The following MAP4K3 variants were observed in gnomAD, a reference collection of about 807,000 sequenced individuals.
MAP4K3 encodes the protein mitogen-activated protein kinase kinase kinase kinase 3, also known as MAPK/ERK kinase kinase kinase 3.
Under a neutral mutation model 143.5 loss-of-function variants are expected in MAP4K3, and 94 were observed. The observed-to-expected ratio is 0.65, with a 90% confidence interval of 0.55 to 0.78. The LOEUF (loss-of-function observed/expected upper bound fraction) is 0.78, where lower values mean the gene tolerates loss of function less well. Among genes scored for constraint, MAP4K3 ranks in the 30% least tolerant of loss-of-function variants. The pLI, the probability that MAP4K3 is intolerant of heterozygous loss-of-function variation, is 0.00. For synonymous variants in MAP4K3, 416 were observed against 347.2 expected (o/e 1.20, Z -2.20); for missense variants, 1,077 against 1,068.1 (o/e 1.01, Z -0.12).
chr2:39,258,711 T>C (rs780245021), intron 29 of MAP4K3, 124 bp from the exon 30 acceptor site: 10 of 731,486 alleles, frequency 1.4e-5, no homozygotes, highest in African/African-American at 1.8e-5. Flanking sequence ...GTAATACACA[T>C]GTAGTGACTG....
intron 8 of MAP4K3, among the ~76,000 whole-genome samples, chr2:39,331,600 TA>T (rs1178363467): frequency 6.6e-6 from 1 of 152,004 alleles, no homozygotes; most frequent in Non-Finnish European, 1.5e-5. Context: ...TGAAGAAAGA[TA>T]TAAAAACACC....
intron 23 of MAP4K3, 48 bp downstream of exon 23, chr2:39,280,224 C>A: frequency 9.3e-7 from 1 of 1,074,310 alleles, no homozygotes; most frequent in Non-Finnish European, 1.3e-6. Context: ...TTCATGGCCC[C>A]AGTTTTAAAA....
intron 1 of MAP4K3, among the ~76,000 whole-genome samples, chr2:39,420,408 A>T (rs996731469): frequency 3.3e-5 from 5 of 152,104 alleles, no homozygotes. Context: ...CATGAATTCC[A>T]TATTTTTTTT....
intron 5 of MAP4K3, 49 bp from the exon 6 acceptor site, chr2:39,337,016 C>G (rs1389278592): frequency 5.2e-6 from 5 of 955,248 alleles, no homozygotes; most frequent in Non-Finnish European, 4.8e-6. Flanking sequence ...TCAAAGAGCA[C>G]TCTTTTGGAT....
At chr2:39,418,198 G>C (rs58054533) in intron 1 of MAP4K3, among the ~76,000 whole-genome samples, 780 of 65,946 alleles carry the variant, frequency 0.012, 9 homozygotes, top group African/African-American at 0.035. Context: ...ACAAGACTCC[G>C]TCTCAAAAAA....
intron 2 of MAP4K3, among the ~76,000 whole-genome samples, chr2:39,357,903 A>T (rs540743625): frequency 7.4e-4 from 112 of 152,230 alleles, no homozygotes; most frequent in Non-Finnish European, 1.0e-3. Context: ...TGATCTAGTC[A>T]GAGTGAACCC....
intron 16 of MAP4K3, chr2:39,294,175 A>T (rs778658628): frequency 1.3e-5 from 2 of 152,210 alleles, no homozygotes; most frequent in African/African-American, 4.8e-5. Flanking sequence ...GTTATCAGGT[A>T]GCACCTTTTA....
chr2:39,344,110 G>A (rs918460617), intron 3 of MAP4K3, among the ~76,000 whole-genome samples: 2 of 152,152 alleles, frequency 1.3e-5, no homozygotes, highest in Admixed American at 1.3e-4. Flanking sequence ...AACTCAGCAA[G>A]CTCTAATGCA....
intron 1 of MAP4K3, among the ~76,000 whole-genome samples, chr2:39,422,889 A>T (rs1386347626): frequency 6.6e-6 from 1 of 152,094 alleles, no homozygotes; most frequent in Non-Finnish European, 1.5e-5. Flanking sequence ...TAGATACAAC[A>T]CCAAAGGCAT....
chr2:39,291,720 T>C (rs1207558244), intron 18 of MAP4K3, among the ~76,000 whole-genome samples: 1 of 151,904 alleles, frequency 6.6e-6, no homozygotes, highest in Non-Finnish European at 1.5e-5. Context: ...AACCCATCTC[T>C]ACCAAAAAAT....
intron 2 of MAP4K3, among the ~76,000 whole-genome samples, chr2:39,364,053 C>T (rs1665849549): frequency 6.7e-6 from 1 of 150,072 alleles, no homozygotes; most frequent in Middle Eastern, 3.6e-3. Flanking sequence ...ATACCCCCGT[C>T]CACTGTTGAT....
chr2:39,326,427 C>G, intron 8 of MAP4K3, 150 bp from the exon 9 acceptor site: 6 of 708,752 alleles, frequency 8.5e-6, no homozygotes, highest in Non-Finnish European at 1.4e-5. Context: ...TTAAAAGGTC[C>G]ACCTTTTCCA....
chr2:39,278,152 C>T (rs1342158620), intron 24 of MAP4K3, among the ~76,000 whole-genome samples: 1 of 151,660 alleles, frequency 6.6e-6, no homozygotes, highest in African/African-American at 2.4e-5. Context: ...CGTGGTGGTG[C>T]GTGCCTCTAC....
At chr2:39,429,213 C>T (rs1222698098) in intron 1 of MAP4K3, among the ~76,000 whole-genome samples, 1 of 151,908 alleles carries the variant, frequency 6.6e-6, no homozygotes, top group Non-Finnish European at 1.5e-5. Flanking sequence ...ACTACGCAAT[C>T]CTGGAGAAGT....
At chr2:39,301,144 A>G (rs1267380999) in intron 15 of MAP4K3, among the ~76,000 whole-genome samples, 1 of 152,222 alleles carries the variant, frequency 6.6e-6, no homozygotes, top group African/African-American at 2.4e-5. Flanking sequence ...AAAAAATCTG[A>G]TGAAAATTAA....
chr2:39,266,828 A>G (rs1680785456), intron 27 of MAP4K3, among the ~76,000 whole-genome samples: 1 of 152,102 alleles, frequency 6.6e-6, no homozygotes, highest in Non-Finnish European at 1.5e-5. Context: ...AATAAATGCC[A>G]TCTCACAAGC....
At chr2:39,369,198 TTTTTTTG>T (rs1558670322) in intron 2 of MAP4K3, among the ~76,000 whole-genome samples, 1 of 59,812 alleles carries the variant, frequency 1.7e-5, no homozygotes, top group East Asian at 4.9e-4. Flanking sequence ...GGCTAGTTTT[TTTTTTTG>T]TTTTTTTTGA....
intron 1 of MAP4K3, among the ~76,000 whole-genome samples, chr2:39,384,463 T>A (rs981933407): frequency 2.0e-5 from 3 of 152,230 alleles, no homozygotes; most frequent in African/African-American, 7.2e-5. Context: ...GGAGAATCGC[T>A]TGAACCCGGG....
chr2:39,383,394 G>A (rs185081099), intron 1 of MAP4K3, among the ~76,000 whole-genome samples: 22 of 124,880 alleles, frequency 1.8e-4, no homozygotes, highest in Admixed American at 1.1e-3. Flanking sequence ...AGAGCAAGAC[G>A]GTAATCACCG....
Sources: gnomAD v4.1 joint callset for allele counts (sites outside exome capture counted in the v4.1 genomes callset) on GRCh38, gnomAD v4.1.1 for gene constraint, MANE v1.5 for transcripts, NCBI Gene and HGNC (gene_info 2026-07-23, HGNC 2026-07-21) for gene names.